VPS53: variants seen among roughly 807,000 people sequenced by gnomAD.
VPS53 encodes the protein vacuolar protein sorting-associated protein 53 homolog.
A neutral mutation model predicts 107.0 loss-of-function variants in VPS53; 70 were observed. That is an observed-to-expected ratio of 0.65 (90% CI 0.54 to 0.80). The LOEUF is 0.80. Ranked by LOEUF, VPS53 falls within the 30% of genes least tolerant of loss-of-function variation. VPS53 has a pLI of 0.00. For synonymous variants in VPS53, 409 were observed against 393.3 expected (o/e 1.04, Z -0.47); for missense variants, 917 against 1,049.4 (o/e 0.87, Z 1.74).
chr17:711,254 C>G (rs7220509), intron 1 of VPS53, among the ~76,000 whole-genome samples: 14,969 of 152,246 alleles, frequency 0.098, 823 homozygotes, highest in East Asian at 0.21. Flanking sequence ...CCCTAACAAC[C>G]TGAAGAACAC....
At chr17:601,676 A>T in intron 12 of VPS53, 119 bp downstream of exon 12, 1 of 719,224 alleles carries the variant, frequency 1.4e-6, no homozygotes, top group Non-Finnish European at 2.3e-6. Context: ...TGTAAAGACC[A>T]CAACAGCTGT....
rs1365030425 is a variant in VPS53, at chr17:512,789, G to A, written c.*6339C>T. 6.6e-6 allele frequency: 1 copy of A among 152,104 alleles called. No homozygotes were observed. The highest frequency in any genetic ancestry group is 1.5e-5 in the Non-Finnish European group (1 of 68,044). 9.4% of individuals were successfully genotyped at this position (152,104 alleles called of 1,614,324 possible). ...AAACAGGATGGACTCATGCGTGCAGGAGAGAAATCACTAAAGGACACAAGA... is the reference window on the plus strand; with the variant it reads ...AAACAGGATGGACTCATGCGTGCAGAAGAGAAATCACTAAAGGACACAAGA... On this transcript the variant is annotated 3_prime_UTR_variant, in exon 22 of 22. Coordinates refer to ENST00000437048, the MANE Select transcript of VPS53 (RefSeq NM_001128159.3).
chr17:542,347 T>C (rs554482700), intron 17 of VPS53, among the ~76,000 whole-genome samples: 4 of 152,340 alleles, frequency 2.6e-5, no homozygotes, highest in African/African-American at 7.2e-5. Context: ...GATGCTGAAA[T>C]TGAGTCAGCC....
intron 4 of VPS53, among the ~76,000 whole-genome samples, chr17:687,479 G>C (rs1972628055): frequency 6.6e-6 from 1 of 151,962 alleles, no homozygotes; most frequent in South Asian, 2.1e-4. Context: ...AGGAGGCTGA[G>C]GCAGGGGAAT....
intron 4 of VPS53, among the ~76,000 whole-genome samples, chr17:669,277 C>T (rs1288191462): frequency 1.3e-5 from 2 of 152,116 alleles, no homozygotes; most frequent in African/African-American, 2.4e-5. Flanking sequence ...CTGGCACTGT[C>T]CCTAGACACT....
chr17:545,572 ATGTCTCACTTGTTTACCAAT>A (rs1235280158), intron 17 of VPS53, among the ~76,000 whole-genome samples: 2 of 152,112 alleles, frequency 1.3e-5, no homozygotes, highest in African/African-American at 4.8e-5. Flanking sequence ...AGAGTTATCT[ATGTCTCACTTGTTTACCAAT>A]CTTTGGTCAA....
chr17:588,563 C>T (rs144531258), intron 12 of VPS53, among the ~76,000 whole-genome samples: 330 of 152,318 alleles, frequency 2.2e-3, no homozygotes, highest in African/African-American at 7.5e-3. Flanking sequence ...CACATCTACT[C>T]AATCTTGTAC....
At chr17:644,214 T>C (rs1024191344) in intron 7 of VPS53, among the ~76,000 whole-genome samples, 2 of 152,258 alleles carry the variant, frequency 1.3e-5, no homozygotes, top group Non-Finnish European at 2.9e-5. Flanking sequence ...TTGGAAGAAT[T>C]AGCTATGCTC....
chr17:671,328 GAGAC>G (rs1971936294), intron 4 of VPS53, among the ~76,000 whole-genome samples: 1 of 145,618 alleles, frequency 6.9e-6, no homozygotes, highest in Admixed American at 6.8e-5. Flanking sequence ...AAAGAAAAGA[GAGAC>G]AGGAAAGAAA....
Position 686,535 on chromosome 17 carries a change from C to A in VPS53, c.285+10883G>T, listed in dbSNP as rs377227691. On this transcript the variant is annotated intron_variant, in intron 4 of 21. Coordinates refer to ENST00000437048, the MANE Select transcript of VPS53 (RefSeq NM_001128159.3). Reference sequence around the variant, plus strand: ...AAGAGAAATGAACCTTTGACCACCACTGTTGCCACAGCAGATATTCTGGAC... The same window carrying A: ...AAGAGAAATGAACCTTTGACCACCAATGTTGCCACAGCAGATATTCTGGAC... Among the ~76,000 whole-genome samples the A allele has an allele frequency of 4.5e-4, 69 of 152,334 alleles. 1 individual carries two copies. In the East Asian group the frequency reaches 0.013, roughly 29 times the overall value.
chr17:662,782 AG>A (rs1971503620), intron 4 of VPS53, among the ~76,000 whole-genome samples: 1 of 146,242 alleles, frequency 6.8e-6, no homozygotes, highest in Non-Finnish European at 1.5e-5. Context: ...AGAGAAAGAA[AG>A]AAAAAAAGAA....
At chr17:525,996 C>CAAAAAAAAAAAAAAAAAAAAAAA (rs10677094) in intron 19 of VPS53, among the ~76,000 whole-genome samples, 1 of 74,686 alleles carries the variant, frequency 1.3e-5, no homozygotes. Flanking sequence ...GACATTTTCT[C>CAAAAAAAAAAAAAAAAAAAAAAA]AAAAAAAAAA....
chr17:537,364 C>T, intron 17 of VPS53, 188 bp from the exon 18 acceptor site: 1 of 631,762 alleles, frequency 1.6e-6, no homozygotes, highest in Non-Finnish European at 2.7e-6. Context: ...TGCGAGTGTG[C>T]CCAGCGGACC....
chr17:564,439 C>T lies in VPS53; in HGVS notation c.1314-1694G>A, dbSNP rs983428469. Among the ~76,000 whole-genome samples, 2 of 151,406 alleles carry T rather than the reference C, an allele frequency of 1.3e-5. 1 individual carries two copies. The highest frequency in any genetic ancestry group is 4.2e-4 in the South Asian group (2 of 4,790). ...CCCGTAGTCCCAGCTACTTCAGAGG[C>T]TGAGGCAGGAGAATGGCATGAACCC... On this transcript the variant is annotated intron_variant, in intron 13 of 21. Coordinates refer to ENST00000437048, the MANE Select transcript of VPS53 (RefSeq NM_001128159.3).
At chr17:634,967 CCACA>C (rs1240802080) in intron 7 of VPS53, among the ~76,000 whole-genome samples, 2 of 152,162 alleles carry the variant, frequency 1.3e-5, no homozygotes, top group African/African-American at 4.8e-5. Flanking sequence ...TGAGGAATCG[CCACA>C]CTGTCCTCCA....
At chr17:646,237 G>C (rs2143403867) in intron 7 of VPS53, among the ~76,000 whole-genome samples, 1 of 124,976 alleles carries the variant, frequency 8.0e-6, no homozygotes, top group South Asian at 2.8e-4. Context: ...GCCTGATAAG[G>C]GTCTTATCTT....
At chr17:701,816 T>TCCTGGGCTCAAGCAATCCTCCCACC (rs1973213504) in intron 2 of VPS53, among the ~76,000 whole-genome samples, 5 of 152,198 alleles carry the variant, frequency 3.3e-5, no homozygotes, top group African/African-American at 1.2e-4. Flanking sequence ...AACCTCAAAC[T>TCCTGGGCTCAAGCAATCCTCCCACC]CCTGGGCTCA....
intron 11 of VPS53, among the ~76,000 whole-genome samples, chr17:606,107 C>T (rs867616667): frequency 1.7e-4 from 26 of 151,968 alleles, no homozygotes; most frequent in Middle Eastern, 3.4e-3. Flanking sequence ...TGGTGATGGA[C>T]GATAGAAAAA....
chr17:646,303 G>A (rs146656315), intron 7 of VPS53, among the ~76,000 whole-genome samples: 1 of 126,826 alleles, frequency 7.9e-6, no homozygotes, highest in Non-Finnish European at 1.7e-5. Flanking sequence ...CCATGACCGC[G>A]TGGCCTCTGC....
Sources: allele counts gnomAD v4.1 joint callset (sites outside exome capture counted in the v4.1 genomes callset), GRCh38; gene constraint gnomAD v4.1.1; transcripts MANE v1.5; gene names NCBI Gene and HGNC (gene_info 2026-07-23, HGNC 2026-07-21).